AKAP9: variants seen among roughly 807,000 people sequenced by gnomAD.
AKAP9 encodes A-kinase anchoring protein 9.
AKAP9 carries 311 observed loss-of-function variants against 488.5 expected under a neutral mutation model. The ratio of observed to expected loss-of-function variants is 0.64; its 90% CI spans 0.58 to 0.70. AKAP9 has a LOEUF of 0.70. Among genes scored for constraint, AKAP9 ranks in the 30% least tolerant of loss-of-function variants. The pLI is 0.00. For synonymous variants in AKAP9, 1,462 were observed against 1,483.5 expected (o/e 0.99, Z 0.33); for missense variants, 4,215 against 4,374.5 (o/e 0.96, Z 1.03).
intron 46 of AKAP9, among the ~76,000 whole-genome samples, chr7:92,103,047 C>G (rs1016999028): frequency 6.6e-6 from 1 of 152,024 alleles, no homozygotes; most frequent in African/African-American, 2.4e-5. Context: ...TTCCTAGGTC[C>G]AGGCAGCTGG....
chr7:92,030,424 C>T (rs1563013512), intron 15 of AKAP9, among the ~76,000 whole-genome samples: 2 of 151,906 alleles, frequency 1.3e-5, no homozygotes, highest in Admixed American at 6.6e-5. Context: ...GTGTGGATCA[C>T]GAGGTCAGGA....
intron 46 of AKAP9, among the ~76,000 whole-genome samples, chr7:92,103,793 C>A (rs1818049917): frequency 6.6e-6 from 1 of 152,088 alleles, no homozygotes; most frequent in Non-Finnish European, 1.5e-5. Flanking sequence ...CAAATTACTT[C>A]TTAGGCTGGC....
At chr7:92,020,409 G>A (rs1012413739) in intron 12 of AKAP9, among the ~76,000 whole-genome samples, 2 of 152,054 alleles carry the variant, frequency 1.3e-5, no homozygotes, top group Non-Finnish European at 2.9e-5. Context: ...CTCCCTCTGT[G>A]TCATCTTCTT....
chr7:91,992,525 A>G (rs555268575), intron 4 of AKAP9, among the ~76,000 whole-genome samples: 96 of 152,022 alleles, frequency 6.3e-4, no homozygotes, highest in African/African-American at 2.2e-3. Flanking sequence ...TTAGCCGGGC[A>G]TGGTGGCAGC....
At chr7:92,063,580 C>A in intron 24 of AKAP9, 2 of 716,644 alleles carry the variant, frequency 2.8e-6, no homozygotes, top group Non-Finnish European at 3.4e-6. Flanking sequence ...GATTTTCAGC[C>A]AACTAACATC....
In AKAP9 at chr7:92,017,091, C is replaced by G; in HGVS notation, c.3826C>G (p.Arg1276Gly). ...CAACAAACTCTTGGTACTTCAAACA[C>G]GACTAAGCAAGGTCTGTGAGATGGA... ...EYNKLLVLQT[R>G]LSKIWGQQTD... Residue 1276 changes from arginine (R) to glycine (G), a missense_variant, in exon 12 of 50, where the codon CGA becomes GGA. By Grantham distance (125) the Arg-to-Gly change is moderately radical. This residue lies in a region of AKAP9 where 2,361 missense variants were observed against 2,430.0 expected (regional missense o/e 0.97). Coordinates refer to ENST00000356239, the MANE Select transcript of AKAP9 (RefSeq NM_005751.5). The G allele has an allele frequency of 2.5e-6, 4 of 1,573,494 alleles. No individual in the cohort carries two copies. The highest frequency in any genetic ancestry group is 3.5e-6 in the Non-Finnish European group (4 of 1,148,808).
Position 92,045,203 on chromosome 7 carries a change from A to G in AKAP9, c.5358A>G (p.Glu1786=), listed in dbSNP as rs371133254. ...CTGTAAAGTCATGTGTCCATGAGGA[A>G]CATACAAGAGGTACTAGTTTTCTGT... is the stretch of plus-strand genomic sequence containing the variant. The part of the protein sequence containing the change: ...EASVKSCVHE[E]HTRVTDESIP... The change falls in exon 21 of 50, where the codon GAA becomes GAG. Residue 1786 remains glutamate, a synonymous_variant. Transcript: ENST00000356239. 3.5e-5 allele frequency: 57 copies of G among 1,613,726 alleles called. No individual in the cohort carries two copies. The highest frequency in any genetic ancestry group is 4.0e-5 in the Non-Finnish European group (47 of 1,179,820).
In AKAP9 at chr7:92,108,628, A is replaced by T. The variant is rs1169973516; in HGVS notation, c.11681A>T (p.Gln3894Leu). The T allele has an allele frequency of 6.2e-7, 1 of 1,614,078 alleles. No individual in the cohort carries two copies. The highest frequency in any genetic ancestry group is 1.7e-5 in the Admixed American group (1 of 59,998). ...EALQRRLGTI[Q>L]SGSTTQFHAG... Reference sequence around the variant, plus strand: ...CTGCAAAGACGACTTGGAACTATACAGTCAGGTGCTCTGAGTTTAACCACA... The same window carrying T: ...CTGCAAAGACGACTTGGAACTATACTGTCAGGTGCTCTGAGTTTAACCACA... The change falls in exon 49 of 50, where the codon CAG (glutamine) becomes CTG (leucine). Residue 3894 changes from glutamine (Q) to leucine (L), a missense_variant. Coordinates refer to ENST00000356239, the MANE Select transcript of AKAP9 (RefSeq NM_005751.5).
At position 92,086,167 on chromosome 7, in the gene AKAP9, T is replaced by G. The variant is rs1282010010; in HGVS notation, c.9025-61T>G. On this transcript the variant is annotated intron_variant, in intron 36 of 49. Transcript: ENST00000356239. ...TATTTTTCTTTGTAGATTAATATTT[T>G]TAGAATGTTTTTAAAACATGCTTAT... 36 of 1,334,106 alleles carry G rather than the reference T, an allele frequency of 2.7e-5. No homozygotes were observed. The East Asian group carries it at 8.3e-4, about 31-fold the overall frequency. The allele number at this position is 1,334,106 out of a possible 1,614,324, so 82.6% of individuals were successfully genotyped here.
At chr7:92,000,725 T>G (rs1799047172) in intron 7 of AKAP9, 123 bp from the exon 8 acceptor site, 4 of 583,756 alleles carry the variant, frequency 6.9e-6, no homozygotes, top group Non-Finnish European at 1.2e-5. Flanking sequence ...AGGACCAACA[T>G]TTACTTTTTG....
intron 1 of AKAP9, among the ~76,000 whole-genome samples, chr7:91,949,797 G>C (rs536394702): frequency 6.6e-6 from 1 of 152,218 alleles, no homozygotes; most frequent in African/African-American, 2.4e-5. Flanking sequence ...TAAATTTATA[G>C]ATTCTTTTGT....
chr7:92,086,282 C>T lies in AKAP9; in HGVS notation c.9079C>T (p.Leu3027=). 1 of 1,614,142 alleles carries T rather than the reference C, an allele frequency of 6.2e-7. No homozygotes were observed. The highest frequency in any genetic ancestry group is 8.5e-7 in the Non-Finnish European group (1 of 1,180,004). ...CTTCTCAGACTGGCGAGGTGAACTA[C>T]TGCTTGCCCTTCAACAAGTTTTCTT... The part of the protein sequence containing the change: ...ESFSDWRGEL[L]LALQQVFLEE... The change falls in exon 37 of 50, where the codon CTG becomes TTG. Residue 3027 remains leucine (L), a synonymous_variant. Transcript: ENST00000356239.
intron 23 of AKAP9, 140 bp downstream of exon 23, chr7:92,061,562 T>G: frequency 1.9e-6 from 1 of 523,642 alleles, no homozygotes; most frequent in Non-Finnish European, 3.2e-6. Context: ...ATCTTCAGAG[T>G]TCCTCCAAGC....
chr7:92,110,177 A>G lies in AKAP9; in HGVS notation c.*18A>G. ...GAAGATAATCCTTTGAAACATCATTAATTGAAGTGATTTTAAATAGATTTC... is the reference window on the plus strand; with the variant it reads ...GAAGATAATCCTTTGAAACATCATTGATTGAAGTGATTTTAAATAGATTTC... On this transcript the variant is annotated 3_prime_UTR_variant, in exon 50 of 50. Coordinates refer to ENST00000356239, the MANE Select transcript of AKAP9 (RefSeq NM_005751.5). 6.3e-7 allele frequency: 1 copy of G among 1,580,948 alleles called. No homozygotes were observed.
At chr7:92,037,114 T>A (rs929218509) in intron 16 of AKAP9, among the ~76,000 whole-genome samples, 1 of 152,216 alleles carries the variant, frequency 6.6e-6, no homozygotes, top group Non-Finnish European at 1.5e-5. Context: ...GCACTTGAAT[T>A]TTCTCTGCAT....
At chr7:91,968,520 T>C (rs926214004) in intron 1 of AKAP9, among the ~76,000 whole-genome samples, 8 of 152,202 alleles carry the variant, frequency 5.3e-5, no homozygotes, top group African/African-American at 1.9e-4. Flanking sequence ...TTTGTTGATT[T>C]TGTTTATGTT....
At chr7:92,104,221 T>C (rs1818140921) in intron 46 of AKAP9, among the ~76,000 whole-genome samples, 1 of 151,144 alleles carries the variant, frequency 6.6e-6, no homozygotes, top group South Asian at 2.1e-4. Context: ...GACAGAGTCT[T>C]GCTCTGTCGC....
At chr7:92,007,078 A>G (rs970478199) in intron 8 of AKAP9, among the ~76,000 whole-genome samples, 1 of 152,174 alleles carries the variant, frequency 6.6e-6, no homozygotes, top group African/African-American at 2.4e-5. Flanking sequence ...CCACTTACCA[A>G]GAACCAACAG....
intron 17 of AKAP9, 147 bp downstream of exon 17, chr7:92,038,919 GT>G: frequency 1.5e-6 from 1 of 666,428 alleles, no homozygotes; most frequent in Non-Finnish European, 2.5e-6. Flanking sequence ...GTTTTGTTTT[GT>G]TTTTGAGGCT....
Sources: allele counts gnomAD v4.1 joint callset (sites outside exome capture counted in the v4.1 genomes callset), GRCh38; gene constraint gnomAD v4.1.1; regional missense constraint gnomAD v4.1.1; transcripts MANE v1.5; gene names NCBI Gene and HGNC (gene_info 2026-07-23, HGNC 2026-07-21).